NDUFAF6: variants seen among roughly 807,000 people sequenced by gnomAD.
NDUFAF6 encodes NADH dehydrogenase (ubiquinone) complex I, assembly factor 6.
A neutral mutation model predicts 40.8 loss-of-function variants in NDUFAF6; 45 were observed. The ratio of observed to expected loss-of-function variants is 1.10; its 90% confidence interval spans 0.87 to 1.42. The LOEUF (loss-of-function observed/expected upper bound fraction) is 1.42. Among genes scored for constraint, NDUFAF6 ranks in the 40% most tolerant of loss-of-function variants. The pLI is 0.00. For missense variants in NDUFAF6, 435 were observed against 418.5 expected, an observed-to-expected ratio of 1.04 and a Z score of -0.34; for synonymous variants, 185 against 155.9, an observed-to-expected ratio of 1.19 and a Z score of -1.39.
chr8:95,056,221 A>AT (rs1463222233), intron 8 of NDUFAF6, among the ~76,000 whole-genome samples: 2 of 151,048 alleles, frequency 1.3e-5, no homozygotes, highest in African/African-American at 4.9e-5. Flanking sequence ...CGATCAAAGA[A>AT]TTTCTGGATT....
intron 2 of NDUFAF6, among the ~76,000 whole-genome samples, chr8:95,085,931 T>C (rs1809030582): frequency 6.6e-6 from 1 of 152,200 alleles, no homozygotes; most frequent in Non-Finnish European, 1.5e-5. Flanking sequence ...GATCATGATC[T>C]ATTCTCCTAG....
At chr8:95,112,407 C>T (rs974322194) in intron 4 of NDUFAF6, among the ~76,000 whole-genome samples, 5 of 152,188 alleles carry the variant, frequency 3.3e-5, no homozygotes, top group South Asian at 2.1e-4. Context: ...CAGAGACACA[C>T]GGGGGAGACT....
chr8:95,016,948 T>G lies in NDUFAF6; in HGVS notation c.-83-15047T>G, dbSNP rs1827478257. Among the ~76,000 whole-genome samples, 21 of 148,234 alleles carry G rather than the reference T, an allele frequency of 1.4e-4. No homozygotes were observed. In the South Asian group the frequency reaches 4.3e-3, roughly 31 times the overall value. ...CTCCTCCTCTTTTTTTTTTTTTTTTTTTTGAGACAGGGTCTTGCTCTGTTG... is the reference window on the plus strand; with the variant it reads ...CTCCTCCTCTTTTTTTTTTTTTTTTGTTTGAGACAGGGTCTTGCTCTGTTG... On this transcript the variant is annotated intron_variant, in intron 2 of 9. Transcript: ENST00000396111.
chr8:95,005,070 T>G (rs1826901567), intron 2 of NDUFAF6, among the ~76,000 whole-genome samples: 1 of 152,188 alleles, frequency 6.6e-6, no homozygotes, highest in Non-Finnish European at 1.5e-5. Context: ...TAGGGTCAGA[T>G]TGATCTAAAA....
chr8:95,063,551 C>CAT (rs1832622905), downstream of NDUFAF6, among the ~76,000 whole-genome samples: 2 of 152,160 alleles, frequency 1.3e-5, no homozygotes. Flanking sequence ...GAGCCGAGAT[C>CAT]GCTCCACTGC....
chr8:94,907,113 C>A (rs1439627346), intron 1 of NDUFAF6, among the ~76,000 whole-genome samples: 1 of 152,198 alleles, frequency 6.6e-6, no homozygotes, highest in Non-Finnish European at 1.5e-5. Flanking sequence ...GTGGCCAGCA[C>A]AAAACAGTCT....
downstream of NDUFAF6, among the ~76,000 whole-genome samples, chr8:95,103,659 T>C (rs1005962513): frequency 1.6e-4 from 25 of 152,212 alleles, no homozygotes; most frequent in Non-Finnish European, 3.2e-4. Context: ...CTGTAAAACA[T>C]ATGGCATAGA....
chr8:95,065,222 A>G (rs2132021592), intron 9 of NDUFAF6, among the ~76,000 whole-genome samples: 1 of 152,356 alleles, frequency 6.6e-6, no homozygotes, highest in Admixed American at 6.5e-5. Flanking sequence ...AGCACAGGTA[A>G]AACAACCTTG....
At chr8:95,093,169 G>A (rs1330461226) in intron 2 of NDUFAF6, among the ~76,000 whole-genome samples, 2 of 152,140 alleles carry the variant, frequency 1.3e-5, no homozygotes, top group South Asian at 2.1e-4. Context: ...TCTAGAGTCC[G>A]CCTTGGTGGA....
intron 1 of NDUFAF6, chr8:94,941,026 G>T: frequency 3.1e-6 from 3 of 968,222 alleles, no homozygotes; most frequent in Non-Finnish European, 4.8e-6. Context: ...CAATGGTACC[G>T]ACAGGAGATT....
At chr8:95,073,180 G>A (rs1252193642) in intron 9 of NDUFAF6, 1 of 152,646 alleles carries the variant, frequency 6.6e-6, no homozygotes, top group Non-Finnish European at 1.5e-5. Flanking sequence ...GCTGCCCGGA[G>A]CTGTGCGAGT....
intron 2 of NDUFAF6, chr8:95,033,862 G>T (rs949681314): frequency 8.0e-6 from 3 of 375,390 alleles, no homozygotes; most frequent in Admixed American, 6.4e-5. Flanking sequence ...AGGGAGGGGC[G>T]CATGGGAGGA....
intron 1 of NDUFAF6, among the ~76,000 whole-genome samples, chr8:94,910,578 G>C (rs1563701674): frequency 1.3e-5 from 2 of 151,664 alleles, no homozygotes; most frequent in Non-Finnish European, 3.0e-5. Flanking sequence ...GAATCTAAAA[G>C]AATCTTGCCT....
At chr8:95,003,290 G>A (rs1189970670) in intron 2 of NDUFAF6, among the ~76,000 whole-genome samples, 2 of 152,332 alleles carry the variant, frequency 1.3e-5, no homozygotes, top group Non-Finnish European at 2.9e-5. Context: ...TATGACAAAG[G>A]CTCTAATAGA....
intron 1 of NDUFAF6, chr8:94,939,929 T>G: frequency 6.2e-7 from 1 of 1,614,178 alleles, no homozygotes; most frequent in Middle Eastern, 1.7e-4. Context: ...GCAGGAGTTA[T>G]GCACAGCATA....
intron 2 of NDUFAF6, among the ~76,000 whole-genome samples, chr8:95,000,077 C>T (rs542322430): frequency 1.3e-5 from 2 of 151,190 alleles, no homozygotes; most frequent in Admixed American, 6.6e-5. Context: ...TAGCTGGGTG[C>T]GGTAATCCCA....
chr8:95,114,156 T>G (rs1409985068), intron 4 of NDUFAF6, among the ~76,000 whole-genome samples: 1 of 71,584 alleles, frequency 1.4e-5, no homozygotes, highest in East Asian at 6.2e-4. Context: ...TAAAGTATAA[T>G]AATAATAAAA....
At chr8:94,924,610 C>T (rs548791088) in intron 1 of NDUFAF6, among the ~76,000 whole-genome samples, 1 of 152,314 alleles carries the variant, frequency 6.6e-6, no homozygotes, top group South Asian at 2.1e-4. Flanking sequence ...CTGCCCACTT[C>T]TAGACTCCAT....
intron 1 of NDUFAF6, among the ~76,000 whole-genome samples, chr8:95,028,556 A>G (rs1270951189): frequency 6.6e-6 from 1 of 152,198 alleles, no homozygotes; most frequent in Non-Finnish European, 1.5e-5. Context: ...GCTGTGTGGA[A>G]GACTTTATTT....
Sources: gnomAD v4.1 joint callset for allele counts (sites outside exome capture counted in the v4.1 genomes callset) on GRCh38, gnomAD v4.1.1 for gene constraint, MANE v1.5 for transcripts, NCBI Gene and HGNC (gene_info 2026-07-23, HGNC 2026-07-21) for gene names.